The following CLN8 variants were observed in gnomAD, a reference collection of about 807,000 sequenced individuals.
The protein encoded by CLN8 is protein CLN8.
Under a neutral mutation model 15.7 loss-of-function variants are expected in CLN8, and 14 were observed. That is an observed-to-expected ratio of 0.89 (90% CI 0.59 to 1.39). The LOEUF (loss-of-function observed/expected upper bound fraction) is 1.39. Among genes scored for constraint, CLN8 ranks in the 40% most tolerant of loss-of-function variants. The pLI, the probability that CLN8 is intolerant of heterozygous loss-of-function variation, is 0.00. For missense variants in CLN8, 415 were observed against 364.0 expected (o/e 1.14, Z -1.14); for synonymous variants, 188 against 151.0 (o/e 1.25, Z -1.80).
chr8:1,777,625 T>C (rs767202779), intron 2 of CLN8, among the ~76,000 whole-genome samples: 2 of 152,222 alleles, frequency 1.3e-5, no homozygotes, highest in Non-Finnish European at 2.9e-5. Flanking sequence ...GAAACTTTTT[T>C]TTAAATTGTT....
At position 1,770,956 on chromosome 8, in the gene CLN8, C is replaced by T; in HGVS notation, c.-99C>T. On this transcript the variant is annotated 5_prime_UTR_variant, in exon 2 of 3. Coordinates refer to ENST00000331222, the MANE Select transcript of CLN8 (RefSeq NM_018941.4). ...GATTGAAGATGGATACGTGACAATC[C>T]CAGGGACCGCTGCACTGACTTCATT... The T allele has an allele frequency of 9.1e-7, 1 of 1,097,786 alleles. No individual in the cohort carries two copies. Among genetic ancestry groups the T allele is most frequent in the Admixed American group, 1.8e-5 (1 of 56,206 alleles). The allele number at this position is 1,097,786 out of a possible 1,614,324, so 68.0% of individuals were successfully genotyped here. A position where few individuals can be genotyped will look rare whatever the true frequency, so the allele number is the denominator to read the frequency against.
chr8:1,769,226 T>C (rs574488277), intron 1 of CLN8, among the ~76,000 whole-genome samples: 1 of 152,338 alleles, frequency 6.6e-6, no homozygotes, highest in African/African-American at 2.4e-5. Context: ...CAGTGCTCCC[T>C]TGTCATTTGC....
intron 1 of CLN8, chr8:1,758,271 A>G (rs1800717755): frequency 6.6e-6 from 1 of 152,240 alleles, no homozygotes; most frequent in Admixed American, 6.5e-5. Flanking sequence ...CACACTTGCT[A>G]AAGAAAACAT....
intron 2 of CLN8, among the ~76,000 whole-genome samples, chr8:1,779,200 G>A (rs1228588974): frequency 2.6e-5 from 4 of 152,050 alleles, no homozygotes; most frequent in Non-Finnish European, 4.4e-5. Context: ...ATATACCTGG[G>A]GCTTTAAATA....
At chr8:1,769,077 G>A (rs979563718) in intron 1 of CLN8, among the ~76,000 whole-genome samples, 4 of 152,192 alleles carry the variant, frequency 2.6e-5, no homozygotes, top group African/African-American at 9.7e-5. Flanking sequence ...TACCAGTGCT[G>A]TCTTTCCCCA....
rs928523946 is a variant in CLN8 at position 1,783,670 on chromosome 8, A to T, written c.*3103A>T. On this transcript the variant is annotated 3_prime_UTR_variant, in exon 3 of 3. Coordinates refer to ENST00000331222, the MANE Select transcript of CLN8 (RefSeq NM_018941.4). ...TCTCGGTGTCCAGGCTCCTTGGGTG[A>T]TGCTGGAGTTGTCATGGCCGCAGTT... is the stretch of plus-strand genomic sequence containing the variant. 3.3e-5 allele frequency: 5 copies of T among 152,056 alleles called. No homozygotes were observed. Among genetic ancestry groups the T allele is most frequent in the African/African-American group, 1.2e-4 (5 of 41,352 alleles). 9.4% of individuals were successfully genotyped at this position (152,056 alleles called of 1,614,324 possible).
chr8:1,769,764 G>A (rs991903072), intron 1 of CLN8, among the ~76,000 whole-genome samples: 2 of 152,202 alleles, frequency 1.3e-5, no homozygotes, highest in South Asian at 2.1e-4. Flanking sequence ...GACCCTTTCA[G>A]CATGATTCAG....
intron 1 of CLN8, among the ~76,000 whole-genome samples, chr8:1,767,348 G>T (rs529449937): frequency 6.6e-6 from 1 of 152,266 alleles, no homozygotes; most frequent in Non-Finnish European, 1.5e-5. Context: ...CTGACTGCCA[G>T]GAGGGTTTGC....
At position 1,780,405 on chromosome 8, in the gene CLN8, G is replaced by C. The variant is rs764293966; in HGVS notation, c.699G>C (p.Leu233=). 8 of 1,614,130 alleles carry C rather than the reference G, an allele frequency of 5.0e-6. No homozygotes were observed. In the South Asian group the frequency reaches 8.8e-5, roughly 18 times the overall value. The part of the protein sequence containing the change: ...VSSLYLPHLT[L]FLVGLALLTL... ...GCCTGTATCTGCCTCATTTGACACT[G>C]TTCCTTGTCGGACTGGCTCTGCTTA... The change falls in exon 3 of 3, where the codon CTG becomes CTC. Residue 233 remains leucine (L), a synonymous_variant. Coordinates refer to ENST00000331222, the MANE Select transcript of CLN8 (RefSeq NM_018941.4).
chr8:1,766,163 A>G (rs1801046018), intron 1 of CLN8, among the ~76,000 whole-genome samples: 2 of 152,190 alleles, frequency 1.3e-5, no homozygotes, highest in Non-Finnish European at 1.5e-5. Context: ...CCAGTGCAAT[A>G]GAAGAGCTGA....
upstream of CLN8, chr8:1,759,425 T>G (rs7838456): frequency 0.71 from 107,435 of 152,006 alleles, 38,130 homozygotes; most frequent in South Asian, 0.78. Context: ...ATGAAGAGGC[T>G]ACATCAGGCC....
intron 1 of CLN8, among the ~76,000 whole-genome samples, chr8:1,757,768 G>C (rs1354982675): frequency 6.6e-6 from 1 of 152,158 alleles, no homozygotes; most frequent in African/African-American, 2.4e-5. Context: ...CATTTTTAAA[G>C]GCTGGTTGTT....
At chr8:1,776,562 CTG>C (rs777979820) in intron 2 of CLN8, among the ~76,000 whole-genome samples, 1 of 152,348 alleles carries the variant, frequency 6.6e-6, no homozygotes, top group East Asian at 1.9e-4. Flanking sequence ...AATCTGGACT[CTG>C]TGAGGGGCGC....
Position 1,779,963 on chromosome 8 carries a change from T to G in CLN8, c.544-287T>G, listed in dbSNP as rs1006972109. The G allele has an allele frequency of 4.1e-6, 4 of 985,248 alleles. No individual in the cohort carries two copies. The African/African-American group carries it at 7.0e-5, about 17-fold the overall frequency. The allele number at this position is 985,248 out of a possible 1,614,324, so 61.0% of individuals were successfully genotyped here. On this transcript the variant is annotated intron_variant, in intron 2 of 2. Transcript: ENST00000331222. ...GATTGAAGGGATACTGAAAGAAAGG[T>G]TGAATTTATCATAGCTTTAGGGAGC...
upstream of CLN8, among the ~76,000 whole-genome samples, chr8:1,755,497 C>A (rs1800649204): frequency 6.6e-6 from 1 of 152,206 alleles, no homozygotes; most frequent in South Asian, 2.1e-4. Flanking sequence ...AGTGCCTCCC[C>A]CCGTTCTACC....
chr8:1,764,665 C>CGG (rs1287525020), intron 1 of CLN8: 1 of 153,162 alleles, frequency 6.5e-6, no homozygotes, highest in African/African-American at 2.4e-5. Flanking sequence ...CCAAAGTGTG[C>CGG]GGGGGAGAGA....
upstream of CLN8, among the ~76,000 whole-genome samples, chr8:1,753,496 A>C (rs933279110): frequency 4.0e-5 from 6 of 148,228 alleles, no homozygotes; most frequent in Non-Finnish European, 8.9e-5. Flanking sequence ...GCTTGAACCC[A>C]GGAGGTGGAG....
chr8:1,756,575 GA>G (rs749766895), intron 1 of CLN8, among the ~76,000 whole-genome samples: 16 of 151,444 alleles, frequency 1.1e-4, no homozygotes, highest in Non-Finnish European at 1.9e-4. Context: ...GTTTGGGGGA[GA>G]GGGGAGGCTA....
At position 1,782,619 on chromosome 8, in the gene CLN8, G is replaced by C. The variant is rs558468255; in HGVS notation, c.*2052G>C. ...CTGGCAGGCAGCACTCTCTGCAGCC[G>C]TGCCCTTGTGGAGTCAGCAGGAGCT... On this transcript the variant is annotated 3_prime_UTR_variant, in exon 3 of 3. Coordinates refer to ENST00000331222, the MANE Select transcript of CLN8 (RefSeq NM_018941.4). 2.0e-5 allele frequency: 3 copies of C among 152,234 alleles called. No individual in the cohort carries two copies. Among genetic ancestry groups the C allele is most frequent in the African/African-American group, 7.2e-5 (3 of 41,468 alleles). The allele number at this position is 152,234 out of a possible 1,614,324, so 9.4% of individuals were successfully genotyped here.
Sources: gnomAD v4.1 joint callset for allele counts (sites outside exome capture counted in the v4.1 genomes callset) on GRCh38, gnomAD v4.1.1 for gene constraint, MANE v1.5 for transcripts, NCBI Gene and HGNC (gene_info 2026-07-23, HGNC 2026-07-21) for gene names.